Variants in MRAP2 observed in about 807,000 individuals in gnomAD.
MRAP2 encodes melanocortin-2 receptor accessory protein 2.
In MRAP2, 20 loss-of-function variants were observed where a neutral mutation model predicts 17.4. The observed-to-expected ratio is 1.15, with a 90% confidence interval of 0.81 to 1.67. MRAP2 has a LOEUF of 1.67. Ranked by LOEUF, MRAP2 falls within the 40% of genes most tolerant of loss-of-function variation. The probability of loss-of-function intolerance (pLI) is 0.00; values close to 1 mark genes in which losing one functional copy is unlikely to be tolerated. For synonymous variants in MRAP2, 96 were observed against 88.4 expected (o/e 1.09, Z -0.48); for missense variants, 238 against 240.0 (o/e 0.99, Z 0.05).
Position 84,089,520 on chromosome 6 carries a change from T to C in MRAP2, c.*39T>C, listed in dbSNP as rs369124995. 161 of 1,571,580 alleles carry C rather than the reference T, an allele frequency of 1.0e-4. No individual in the cohort carries two copies. The Middle Eastern group carries it at 1.0e-3, about 10-fold the overall frequency. On this transcript the variant is annotated 3_prime_UTR_variant, in exon 4 of 4. Coordinates refer to ENST00000257776, the MANE Select transcript of MRAP2 (RefSeq NM_138409.4). ...TAAAGGGTCTTCCTGAAGATGTGGATTCTATCTTTATGTAGCAAGAAATCT... is the reference window on the plus strand; with the variant it reads ...TAAAGGGTCTTCCTGAAGATGTGGACTCTATCTTTATGTAGCAAGAAATCT...
chr6:84,080,862 G>A (rs922633265), intron 3 of MRAP2, among the ~76,000 whole-genome samples: 1 of 152,180 alleles, frequency 6.6e-6, no homozygotes, highest in Non-Finnish European at 1.5e-5. Context: ...AATGAACACA[G>A]GGGATTAGGT....
the MRAP2 span, among the ~76,000 whole-genome samples, chr6:84,121,075 TA>T: frequency 1.4e-5 from 2 of 143,428 alleles, no homozygotes; most frequent in Admixed American, 6.7e-5. Context: ...TTTTATTTTT[TA>T]ATTTTTTTTT....
chr6:84,036,941 C>T (rs184061095), intron 1 of MRAP2, among the ~76,000 whole-genome samples: 1,872 of 151,884 alleles, frequency 0.012, 44 homozygotes, highest in African/African-American at 0.043. Context: ...CTGATTGGTG[C>T]ATTTACAAAC....
chr6:84,114,080 A>G, the MRAP2 span, among the ~76,000 whole-genome samples: 2 of 152,008 alleles, frequency 1.3e-5, no homozygotes, highest in African/African-American at 4.8e-5. Flanking sequence ...CTTGAGTAGT[A>G]TCTTTGTGGT....
intron 1 of MRAP2, among the ~76,000 whole-genome samples, chr6:84,036,656 T>G (rs184558079): frequency 6.6e-6 from 1 of 152,270 alleles, no homozygotes; most frequent in African/African-American, 2.4e-5. Flanking sequence ...GCTTCCACAG[T>G]GTGGAAGGGG....
rs751488001 is a variant in MRAP2, at chr6:84,090,652, G to A, written c.*1171G>A. 6.6e-6 allele frequency: 1 copy of A among 152,208 alleles called. No individual in the cohort carries two copies. The highest frequency in any genetic ancestry group is 1.5e-5 in the Non-Finnish European group (1 of 68,030). 9.4% of individuals were successfully genotyped at this position (152,208 alleles called of 1,614,324 possible). A position where few individuals can be genotyped will look rare whatever the true frequency, so the allele number is the denominator to read the frequency against. Reference sequence around the variant, plus strand: ...TTTGAGCTGAGATGGTCAGTGGGTTGTAAATTCCCCACTAGCAGATATTCA... The same window carrying A: ...TTTGAGCTGAGATGGTCAGTGGGTTATAAATTCCCCACTAGCAGATATTCA... On this transcript the variant is annotated 3_prime_UTR_variant, in exon 4 of 4. Coordinates refer to ENST00000257776, the MANE Select transcript of MRAP2 (RefSeq NM_138409.4).
In MRAP2 at chr6:84,046,340, G is replaced by A. The variant is rs112837795; in HGVS notation, c.-7-8972G>A. 6.4e-3 allele frequency among the ~76,000 whole-genome samples: 971 copies of A among 152,222 alleles called. 17 individuals are homozygous for A. Among genetic ancestry groups the A allele is most frequent in the African/African-American group, 0.022 (908 of 41,518 alleles). ...GGATGGAACCAGTTTAATGAAATTA[G>A]GGTGCTTCCTTTTTGTCGTTGGGAA... On this transcript the variant is annotated intron_variant, in intron 1 of 3. Coordinates refer to ENST00000257776, the MANE Select transcript of MRAP2 (RefSeq NM_138409.4).
At chr6:84,107,818 C>T in the MRAP2 span, among the ~76,000 whole-genome samples, 2 of 152,338 alleles carry the variant, frequency 1.3e-5, no homozygotes, top group South Asian at 4.1e-4. Flanking sequence ...ATACAGCTCC[C>T]AAGAGATGTG....
intron 1 of MRAP2, among the ~76,000 whole-genome samples, chr6:84,045,605 A>C (rs956209866): frequency 1.3e-5 from 2 of 152,168 alleles, no homozygotes; most frequent in African/African-American, 2.4e-5. Context: ...TCTCCTAAAA[A>C]TACAAAAATT....
At chr6:84,143,956 C>T in the MRAP2 span, among the ~76,000 whole-genome samples, 1 of 151,910 alleles carries the variant, frequency 6.6e-6, no homozygotes, top group Non-Finnish European at 1.5e-5. Flanking sequence ...TCTCACTATG[C>T]GACTTTCTGT....
At chr6:84,073,802 C>T (rs998935614) in intron 3 of MRAP2, among the ~76,000 whole-genome samples, 5 of 151,784 alleles carry the variant, frequency 3.3e-5, no homozygotes, top group South Asian at 2.1e-4. Flanking sequence ...GTCCAACCTG[C>T]GGCCCAGAAT....
chr6:84,126,517 A>C, the MRAP2 span: 6 of 1,511,122 alleles, frequency 4.0e-6, no homozygotes, highest in East Asian at 1.5e-4. Flanking sequence ...TGTAATCTAA[A>C]ATTGACATAT....
At chr6:84,093,455 A>T (rs2099502131), downstream of MRAP2, among the ~76,000 whole-genome samples, 1 of 151,686 alleles carries the variant, frequency 6.6e-6, no homozygotes, top group Non-Finnish European at 1.5e-5. Context: ...GTGCCATGAG[A>T]TGTAATCAGC....
the MRAP2 span, among the ~76,000 whole-genome samples, chr6:84,140,241 G>A: frequency 5.3e-4 from 80 of 152,108 alleles, no homozygotes; most frequent in Non-Finnish European, 7.3e-5. Flanking sequence ...TCCATTAGGA[G>A]CCTTTGGCGT....
chr6:84,036,535 C>T (rs902210843), intron 1 of MRAP2, among the ~76,000 whole-genome samples: 5 of 152,114 alleles, frequency 3.3e-5, no homozygotes, highest in Non-Finnish European at 4.4e-5. Context: ...GTCTCGCTGG[C>T]TTCAGGAGTG....
intron 1 of MRAP2, chr6:84,035,314 A>C (rs2099485686): frequency 7.6e-6 from 4 of 528,448 alleles, no homozygotes; most frequent in Admixed American, 6.4e-5. Context: ...GAAACATTGA[A>C]TCCTGGCAAC....
chr6:84,132,674 G>A, the MRAP2 span, among the ~76,000 whole-genome samples: 1 of 152,058 alleles, frequency 6.6e-6, no homozygotes, highest in Non-Finnish European at 1.5e-5. Context: ...TAGTTCTCGT[G>A]CCATGGTTTT....
In MRAP2 at chr6:84,062,938, T is replaced by C; in HGVS notation, c.173T>C (p.Ile58Thr). Residue 58 changes from isoleucine (I) to threonine (T), a missense_variant, in exon 3 of 4, where the codon ATT (isoleucine) becomes ACT (threonine). Physicochemically the swap from Ile to Thr is moderately conservative, Grantham distance 89 (BLOSUM62 -1). Coordinates refer to ENST00000257776, the MANE Select transcript of MRAP2 (RefSeq NM_138409.4). ...TGGGTTGGTCTTGCAGTCTTCGTGATTTTTATGTTTTTTGTGCTGACCTTG... is the reference window on the plus strand; with the variant it reads ...TGGGTTGGTCTTGCAGTCTTCGTGACTTTTATGTTTTTTGTGCTGACCTTG... Reference protein sequence around the residue: ...GFWVGLAVFVIFMFFVLTLLT... With the variant: ...GFWVGLAVFVTFMFFVLTLLT... 1.9e-6 allele frequency: 3 copies of C among 1,614,200 alleles called. No homozygotes were observed. Among genetic ancestry groups the C allele is most frequent in the East Asian group, 2.2e-5 (1 of 44,882 alleles).
the MRAP2 span, among the ~76,000 whole-genome samples, chr6:84,122,352 CAAAAAAAAAAAAAA>C: frequency 2.8e-5 from 1 of 36,156 alleles, no homozygotes. Flanking sequence ...ACAGCACATC[CAAAAAAAAAAAAAA>C]AAAAAAAAAA....
Sources: allele counts gnomAD v4.1 joint callset (sites outside exome capture counted in the v4.1 genomes callset), GRCh38; gene constraint gnomAD v4.1.1; transcripts MANE v1.5; gene names NCBI Gene and HGNC (gene_info 2026-07-23, HGNC 2026-07-21).